The following CALCRL variants were observed in gnomAD, a reference collection of about 807,000 sequenced individuals.
CALCRL encodes the protein calcitonin receptor like receptor.
Under a neutral mutation model 60.4 loss-of-function variants are expected in CALCRL, and 27 were observed. The ratio of observed to expected loss-of-function variants is 0.45; its 90% CI spans 0.33 to 0.62. The LOEUF (loss-of-function observed/expected upper bound fraction) is 0.62, where lower values mean the gene tolerates loss of function less well. CALCRL is among the 20% of genes least tolerant of loss of function. The pLI is 0.03. For missense variants in CALCRL, 424 were observed against 540.7 expected, an observed-to-expected ratio of 0.78 and a Z score of 2.14; for synonymous variants, 190 against 182.6, an observed-to-expected ratio of 1.04 and a Z score of -0.33.
chr2:187,417,599 A>G (rs1208303368), intron 1 of CALCRL, among the ~76,000 whole-genome samples: 1 of 152,118 alleles, frequency 6.6e-6, no homozygotes, highest in African/African-American at 2.4e-5. Context: ...ACAGAACCTG[A>G]AAGTTGATTA....
chr2:187,398,566 A>T (rs931477161), intron 1 of CALCRL, among the ~76,000 whole-genome samples: 1 of 151,500 alleles, frequency 6.6e-6, no homozygotes, highest in African/African-American at 2.4e-5. Flanking sequence ...TAGAGAATCC[A>T]TTCTCTCTGG....
chr2:187,434,932 T>C (rs1251928413), intron 1 of CALCRL, among the ~76,000 whole-genome samples: 1 of 152,128 alleles, frequency 6.6e-6, no homozygotes. Flanking sequence ...CCAGAAACCA[T>C]ATGTGGTAAA....
At position 187,396,022 on chromosome 2, in the gene CALCRL, TTG is replaced by T. The variant is rs758349247; in HGVS notation, c.-292-8268_-292-8267del. Among the ~76,000 whole-genome samples the T allele has an allele frequency of 5.4e-3, 234 of 43,472 alleles. 2 individuals carry two copies. Among genetic ancestry groups the T allele is most frequent in the African/African-American group, 0.014 (175 of 12,596 alleles). The allele number at this position is 43,472 out of a possible 152,430, so 28.5% of individuals were successfully genotyped here. Reference sequence around the variant, plus strand: ...AAAACCAAATCTCTCCTGACACTGTTTGTTGTTGTTGTTGTTGTTGTTGTTGT... The same window carrying T: ...AAAACCAAATCTCTCCTGACACTGTTTTGTTGTTGTTGTTGTTGTTGTTGT... On this transcript the variant is annotated intron_variant, in intron 1 of 14. Coordinates refer to ENST00000392370, the MANE Select transcript of CALCRL (RefSeq NM_005795.6).
intron 1 of CALCRL, among the ~76,000 whole-genome samples, chr2:187,445,492 C>G (rs551119775): frequency 6.6e-6 from 1 of 151,490 alleles, no homozygotes; most frequent in South Asian, 2.1e-4. Context: ...CTATAAAGAT[C>G]TAGAACAATC....
chr2:187,406,116 G>A (rs1302729458), intron 1 of CALCRL, among the ~76,000 whole-genome samples: 1 of 150,064 alleles, frequency 6.7e-6, no homozygotes, highest in Non-Finnish European at 1.5e-5. Flanking sequence ...AGAATGACTT[G>A]TCAAAACTTG....
chr2:187,371,685 A>C, intron 8 of CALCRL, among the ~76,000 whole-genome samples: 1 of 151,958 alleles, frequency 6.6e-6, no homozygotes, highest in East Asian at 1.9e-4. Context: ...GCAGTGAGCC[A>C]AGATCCCGCC....
At chr2:187,347,481 C>T (rs1273703781) in intron 14 of CALCRL, among the ~76,000 whole-genome samples, 1 of 151,750 alleles carries the variant, frequency 6.6e-6, no homozygotes, top group Non-Finnish European at 1.5e-5. Flanking sequence ...TCATTTTCTA[C>T]GTACTGAGGT....
At chr2:187,414,008 A>G (rs540083447) in intron 1 of CALCRL, among the ~76,000 whole-genome samples, 1 of 152,222 alleles carries the variant, frequency 6.6e-6, no homozygotes, top group East Asian at 1.9e-4. Flanking sequence ...TTTATATCCT[A>G]TATGTGACTA....
chr2:187,435,270 A>G (rs1690583123), intron 1 of CALCRL, among the ~76,000 whole-genome samples: 1 of 152,114 alleles, frequency 6.6e-6, no homozygotes, highest in Non-Finnish European at 1.5e-5. Context: ...ACATATCCTC[A>G]TATCTCCTAT....
Position 187,403,770 on chromosome 2 carries a change from A to C in CALCRL, c.-292-16014T>G, listed in dbSNP as rs570648092. Among the ~76,000 whole-genome samples, 44 of 152,018 alleles carry C rather than the reference A, an allele frequency of 2.9e-4. 1 individual carries two copies. Among genetic ancestry groups the C allele is most frequent in the African/African-American group, 8.9e-4 (37 of 41,516 alleles). ...GGAAATGTGACTTCAGTCATTTACT[A>C]GACAAAGTACCATGAACTGCTGTAA... On this transcript the variant is annotated intron_variant, in intron 1 of 14. Coordinates refer to ENST00000392370, the MANE Select transcript of CALCRL (RefSeq NM_005795.6).
chr2:187,355,006 G>C (rs1686708133), intron 12 of CALCRL, among the ~76,000 whole-genome samples: 1 of 152,032 alleles, frequency 6.6e-6, no homozygotes, highest in African/African-American at 2.4e-5. Context: ...CCTCAGAGTA[G>C]AAGCATGGTA....
intron 12 of CALCRL, among the ~76,000 whole-genome samples, chr2:187,357,125 C>A (rs1353577101): frequency 6.6e-6 from 1 of 152,078 alleles, no homozygotes; most frequent in East Asian, 1.9e-4. Context: ...ACCAGAAATA[C>A]CATTTGACCC....
rs1257212382 is a variant in CALCRL at position 187,397,223 on chromosome 2, AACTG to A, written c.-292-9471_-292-9468del. ...AATTTCAATAACACTGTATGTGGAAAACTGACTGTATTTCAAGGCGGTGGTCACA... is the reference window on the plus strand; with the variant it reads ...AATTTCAATAACACTGTATGTGGAAAACTGTATTTCAAGGCGGTGGTCACA... On this transcript the variant is annotated intron_variant, in intron 1 of 14. Coordinates refer to ENST00000392370, the MANE Select transcript of CALCRL (RefSeq NM_005795.6). Among the ~76,000 whole-genome samples, 2 of 151,736 alleles carry A rather than the reference AACTG, an allele frequency of 1.3e-5. 1 individual carries two copies. Among genetic ancestry groups the A allele is most frequent in the Middle Eastern group, 6.4e-3 (2 of 314 alleles).
intron 14 of CALCRL, among the ~76,000 whole-genome samples, chr2:187,348,253 A>T (rs1686368989): frequency 6.6e-6 from 1 of 151,726 alleles, no homozygotes. Flanking sequence ...GTGAATTTTA[A>T]ATACATATTC....
At chr2:187,382,727 T>C (rs1289014634) in intron 5 of CALCRL, among the ~76,000 whole-genome samples, 3 of 152,118 alleles carry the variant, frequency 2.0e-5, no homozygotes, top group Admixed American at 6.5e-5. Context: ...AGCACTTAGA[T>C]TTCATTAACT....
chr2:187,405,322 C>T (rs1282775525), intron 1 of CALCRL, among the ~76,000 whole-genome samples: 1 of 151,974 alleles, frequency 6.6e-6, no homozygotes, highest in African/African-American at 2.4e-5. Flanking sequence ...TTTGTGAGCT[C>T]ATGAACACAT....
intron 12 of CALCRL, among the ~76,000 whole-genome samples, chr2:187,357,514 T>C (rs1436563079): frequency 1.5e-5 from 1 of 67,988 alleles, no homozygotes; most frequent in African/African-American, 5.8e-5. Context: ...GGGGTGGGGG[T>C]GAGGGGAGGG....
At chr2:187,390,796 T>G (rs979618931) in intron 1 of CALCRL, among the ~76,000 whole-genome samples, 1 of 152,120 alleles carries the variant, frequency 6.6e-6, no homozygotes, top group Admixed American at 6.6e-5. Flanking sequence ...AGGGGGCAGG[T>G]GTATGGCCCC....
chr2:187,415,732 G>C, intron 1 of CALCRL: 1 of 531,126 alleles, frequency 1.9e-6, no homozygotes, highest in African/African-American at 2.0e-5. Flanking sequence ...CTTCAGTGAG[G>C]GGGCTGGCAT....
Sources: gnomAD v4.1 joint callset for allele counts (sites outside exome capture counted in the v4.1 genomes callset) on GRCh38, gnomAD v4.1.1 for gene constraint, MANE v1.5 for transcripts, NCBI Gene and HGNC (gene_info 2026-07-23, HGNC 2026-07-21) for gene names.